The following LRRTM4 variants were observed in gnomAD, a reference collection of about 807,000 sequenced individuals.
LRRTM4 encodes the protein leucine-rich repeat transmembrane neuronal protein 4.
Under a neutral mutation model 47.6 loss-of-function variants are expected in LRRTM4, and 25 were observed. The ratio of observed to expected loss-of-function variants is 0.53; its 90% confidence interval spans 0.38 to 0.73. LRRTM4 has a LOEUF of 0.73. Ranked by LOEUF, LRRTM4 falls within the 30% of genes least tolerant of loss-of-function variation. The pLI, the probability that LRRTM4 is intolerant of heterozygous loss-of-function variation, is 0.00. For synonymous variants in LRRTM4, 311 were observed against 269.5 expected (o/e 1.15, Z -1.51); for missense variants, 638 against 713.4 (o/e 0.89, Z 1.20).
chr2:77,120,414 G>C (rs1671495021), intron 3 of LRRTM4, among the ~76,000 whole-genome samples: 1 of 151,760 alleles, frequency 6.6e-6, no homozygotes. Context: ...AAGGGTGATA[G>C]TGAGAATTTC....
At chr2:77,027,052 C>A (rs1678478674) in intron 3 of LRRTM4, among the ~76,000 whole-genome samples, 1 of 151,992 alleles carries the variant, frequency 6.6e-6, no homozygotes, top group Admixed American at 6.6e-5. Context: ...TTAAAATAAC[C>A]CACTGAGATT....
chr2:77,029,276 A>C, intron 3 of LRRTM4, among the ~76,000 whole-genome samples: 1 of 151,878 alleles, frequency 6.6e-6, no homozygotes, highest in East Asian at 1.9e-4. Context: ...CGATCACAAG[A>C]TGAAGTCCCA....
At position 76,924,111 on chromosome 2, in the gene LRRTM4, G is replaced by C. The variant is rs563293437; in HGVS notation, c.1552-175195C>G. ...GGCCAGCATTTCACAAATAGTTAAGGTGTGAAATGAAGACAAACTTATTTA... is the reference window on the plus strand; with the variant it reads ...GGCCAGCATTTCACAAATAGTTAAGCTGTGAAATGAAGACAAACTTATTTA... On this transcript the variant is annotated intron_variant, in intron 3 of 3. Transcript: ENST00000409884. Among the ~76,000 whole-genome samples, 3 of 152,022 alleles carry C rather than the reference G, an allele frequency of 2.0e-5. No individual in the cohort carries two copies. In the South Asian group the frequency reaches 6.2e-4, roughly 32 times the overall value.
At chr2:77,369,695 T>A (rs540165096) in intron 3 of LRRTM4, among the ~76,000 whole-genome samples, 1 of 151,872 alleles carries the variant, frequency 6.6e-6, no homozygotes, top group South Asian at 2.1e-4. Context: ...GTAAATATCA[T>A]AGATTGTATT....
intron 3 of LRRTM4, among the ~76,000 whole-genome samples, chr2:77,373,214 A>T (rs1232867646): frequency 6.6e-6 from 1 of 150,968 alleles, no homozygotes; most frequent in African/African-American, 2.4e-5. Flanking sequence ...TTCAATTGAT[A>T]GGCAACTTGT....
intron 3 of LRRTM4, among the ~76,000 whole-genome samples, chr2:76,939,214 G>T (rs1212696333): frequency 1.3e-5 from 2 of 152,110 alleles, no homozygotes; most frequent in Non-Finnish European, 2.9e-5. Flanking sequence ...GTAAACCTTA[G>T]ATTTTAAGTG....
chr2:76,911,797 G>C (rs1232210028), intron 3 of LRRTM4, among the ~76,000 whole-genome samples: 2 of 152,044 alleles, frequency 1.3e-5, no homozygotes, highest in African/African-American at 4.8e-5. Context: ...AGAGCAGAAA[G>C]AACAATGAAA....
intron 3 of LRRTM4, among the ~76,000 whole-genome samples, chr2:77,108,673 T>C (rs1671166598): frequency 6.7e-6 from 1 of 149,888 alleles, no homozygotes; most frequent in Non-Finnish European, 1.5e-5. Flanking sequence ...AAGCTCCGCC[T>C]CCCGGGTTCA....
chr2:76,913,781 C>T (rs1279790721), intron 3 of LRRTM4, among the ~76,000 whole-genome samples: 1 of 151,958 alleles, frequency 6.6e-6, no homozygotes, highest in Non-Finnish European at 1.5e-5. Flanking sequence ...TCAAGTGATC[C>T]ATCCATCTTG....
At position 76,795,968 on chromosome 2, in the gene LRRTM4, C is replaced by T. The variant is rs1209225644; in HGVS notation, c.1552-47052G>A. On this transcript the variant is annotated intron_variant, in intron 3 of 3. Coordinates refer to ENST00000409884, the MANE Select transcript of LRRTM4 (RefSeq NM_001134745.3). ...GGTCAGTGGGTGCGCGCACCATGTG[C>T]GAGCCGAAGCAGGGCGAGGCATTGC... is the stretch of plus-strand genomic sequence containing the variant. 2.8e-4 allele frequency among the ~76,000 whole-genome samples: 42 copies of T among 148,982 alleles called. No individual in the cohort carries two copies. The South Asian group carries it at 7.0e-3, about 25-fold the overall frequency.
chr2:77,089,072 C>T (rs1680832139), intron 3 of LRRTM4, among the ~76,000 whole-genome samples: 1 of 152,078 alleles, frequency 6.6e-6, no homozygotes, highest in South Asian at 2.1e-4. Context: ...TATACGCCCA[C>T]GTTTCAAGGG....
chr2:77,496,242 ATTCAGTTACATT>A (rs1391441794), intron 3 of LRRTM4, among the ~76,000 whole-genome samples: 1 of 151,912 alleles, frequency 6.6e-6, no homozygotes, highest in Non-Finnish European at 1.5e-5. Flanking sequence ...TTCTTAACAG[ATTCAGTTACATT>A]TTCCACATAG....
chr2:77,417,610 G>C (rs922936439), intron 3 of LRRTM4, among the ~76,000 whole-genome samples: 1 of 152,058 alleles, frequency 6.6e-6, no homozygotes, highest in African/African-American at 2.4e-5. Context: ...GATGAAGCTG[G>C]TAGGGACATG....
chr2:76,786,692 C>A (rs1197667657), intron 3 of LRRTM4, among the ~76,000 whole-genome samples: 1 of 151,950 alleles, frequency 6.6e-6, no homozygotes. Flanking sequence ...TTCTTTGATT[C>A]CTGCTTTCTA....
At chr2:76,983,009 A>C (rs1157957959) in intron 3 of LRRTM4, among the ~76,000 whole-genome samples, 1 of 152,076 alleles carries the variant, frequency 6.6e-6, no homozygotes, top group East Asian at 1.9e-4. Flanking sequence ...ATTCAAGCTC[A>C]CATATCAAAT....
intron 3 of LRRTM4, among the ~76,000 whole-genome samples, chr2:76,974,739 ATAAATT>A (rs900868379): frequency 7.9e-5 from 12 of 151,894 alleles, no homozygotes; most frequent in Non-Finnish European, 1.6e-4. Context: ...ACATACTATT[ATAAATT>A]TAATTTTCCA....
chr2:76,855,042 T>C (rs1424761956), intron 3 of LRRTM4, among the ~76,000 whole-genome samples: 4 of 152,080 alleles, frequency 2.6e-5, no homozygotes, highest in Non-Finnish European at 5.9e-5. Flanking sequence ...TCAGTGACAT[T>C]TGACCAAAAT....
intron 3 of LRRTM4, among the ~76,000 whole-genome samples, chr2:77,095,646 C>G (rs192117568): frequency 6.8e-6 from 1 of 147,648 alleles, no homozygotes; most frequent in Non-Finnish European, 1.5e-5. Context: ...ACTGAGACTG[C>G]AGGCTCAGTT....
chr2:77,004,990 T>G (rs1186853372), intron 3 of LRRTM4, among the ~76,000 whole-genome samples: 1 of 152,158 alleles, frequency 6.6e-6, no homozygotes, highest in Non-Finnish European at 1.5e-5. Context: ...GTACCCCAGT[T>G]GTATCTAAAA....
Sources: allele counts gnomAD v4.1 joint callset (sites outside exome capture counted in the v4.1 genomes callset), GRCh38; gene constraint gnomAD v4.1.1; transcripts MANE v1.5; gene names NCBI Gene and HGNC (gene_info 2026-07-23, HGNC 2026-07-21).